TRAM2: variants seen among roughly 807,000 people sequenced by gnomAD.
The protein encoded by TRAM2 is translocation associated membrane protein 2.
Under a neutral mutation model 51.0 loss-of-function variants are expected in TRAM2, and 12 were observed. The observed-to-expected ratio is 0.24, with a 90% confidence interval of 0.15 to 0.38. The LOEUF (loss-of-function observed/expected upper bound fraction) is 0.38. Ranked by LOEUF, TRAM2 falls within the 10% of genes least tolerant of loss-of-function variation. The pLI, the probability that TRAM2 is intolerant of heterozygous loss-of-function variation, is 1.00. For synonymous variants in TRAM2, 175 were observed against 179.4 expected, an observed-to-expected ratio of 0.98 and a Z score of 0.20; for missense variants, 361 against 462.0, an observed-to-expected ratio of 0.78 and a Z score of 2.00.
At position 52,505,770 on chromosome 6, in the gene TRAM2, C is replaced by T. The variant is rs745765739; in HGVS notation, c.732-28G>A. 6 of 1,580,904 alleles carry T rather than the reference C, an allele frequency of 3.8e-6. No homozygotes were observed. The East Asian group carries it at 9.0e-5, about 24-fold the overall frequency. On this transcript the variant is annotated intron_variant, in intron 8 of 10. Transcript: ENST00000182527. ...GCTCACAGAGGCAGAAGAGGGATGT[C>T]AGTCTTTAGCGCCCTTGAAGGAATC...
At chr6:52,565,713 T>G (rs1055821324) in intron 1 of TRAM2, among the ~76,000 whole-genome samples, 1 of 152,218 alleles carries the variant, frequency 6.6e-6, no homozygotes, top group Admixed American at 6.5e-5. Context: ...TACTGACACC[T>G]TCATCAGGAA....
At chr6:52,540,271 G>C (rs1051247560) in intron 1 of TRAM2, among the ~76,000 whole-genome samples, 2 of 151,510 alleles carry the variant, frequency 1.3e-5, no homozygotes, top group Non-Finnish European at 2.9e-5. Context: ...TAAAAACCTT[G>C]TCCCAAAAAC....
chr6:52,570,975 A>G (rs552355501), intron 1 of TRAM2, among the ~76,000 whole-genome samples: 1 of 152,320 alleles, frequency 6.6e-6, no homozygotes, highest in South Asian at 2.1e-4. Flanking sequence ...CAGTAGAGGT[A>G]TACCAAGTCT....
chr6:52,556,772 A>C (rs574187783), intron 1 of TRAM2, among the ~76,000 whole-genome samples: 9 of 151,826 alleles, frequency 5.9e-5, no homozygotes, highest in African/African-American at 9.7e-5. Context: ...TACTAAAAAT[A>C]CAAAAATTAG....
chr6:52,576,666 G>A (rs1187472039), intron 1 of TRAM2, 130 bp downstream of exon 1: 2 of 1,257,530 alleles, frequency 1.6e-6, no homozygotes, highest in Non-Finnish European at 2.2e-6. Context: ...CACAAAGCCG[G>A]GGTGCAGATA....
intron 9 of TRAM2, 87 bp from the exon 10 acceptor site, chr6:52,504,841 G>A: frequency 7.8e-7 from 1 of 1,289,632 alleles, no homozygotes; most frequent in Non-Finnish European, 1.1e-6. Context: ...AGGGCCAGGG[G>A]CCCTGCAGTT....
intron 2 of TRAM2, among the ~76,000 whole-genome samples, chr6:52,531,530 C>T (rs1425407227): frequency 6.6e-6 from 1 of 152,172 alleles, no homozygotes; most frequent in Non-Finnish European, 1.5e-5. Flanking sequence ...AGGAGGATTC[C>T]AGGAGCAGAA....
intron 5 of TRAM2, 70 bp downstream of exon 5, chr6:52,509,458 C>T: frequency 2.7e-6 from 4 of 1,507,898 alleles, no homozygotes; most frequent in Non-Finnish European, 3.7e-6. Flanking sequence ...GTTCTGGCCA[C>T]ACTCCGCTGG....
At chr6:52,506,865 T>C (rs759487549) in intron 7 of TRAM2, among the ~76,000 whole-genome samples, 22 of 152,154 alleles carry the variant, frequency 1.4e-4, no homozygotes, top group Non-Finnish European at 2.8e-4. Context: ...AAGGACCTAG[T>C]CCAACGCACC....
intron 1 of TRAM2, among the ~76,000 whole-genome samples, chr6:52,563,657 T>C (rs970411488): frequency 7.8e-6 from 1 of 128,748 alleles, no homozygotes; most frequent in Admixed American, 9.7e-5. Flanking sequence ...AGGCAGAGCT[T>C]GCACTCCAGC....
intron 2 of TRAM2, among the ~76,000 whole-genome samples, chr6:52,519,505 G>T (rs1766624769): frequency 6.6e-6 from 1 of 152,234 alleles, no homozygotes; most frequent in Admixed American, 6.5e-5. Flanking sequence ...AAGTATTGGT[G>T]AGGATGTGGA....
At position 52,497,490 on chromosome 6, in the gene TRAM2, T is replaced by C. The variant is rs1266584348; in HGVS notation, c.*5707A>G. On this transcript the variant is annotated 3_prime_UTR_variant, in exon 11 of 11. Transcript: ENST00000182527. ...TACATTTAAAAAATCCATACAAAAC[T>C]GTAATTTGTTTTAAAACCAGACAGA... 2 of 152,742 alleles carry C rather than the reference T, an allele frequency of 1.3e-5. No homozygotes were observed. Among genetic ancestry groups the C allele is most frequent in the Non-Finnish European group, 1.5e-5 (1 of 68,034 alleles). 9.5% of individuals were successfully genotyped at this position (152,742 alleles called of 1,614,324 possible).
intron 1 of TRAM2, among the ~76,000 whole-genome samples, chr6:52,541,943 C>T (rs541326733): frequency 1.4e-4 from 22 of 151,992 alleles, no homozygotes; most frequent in Non-Finnish European, 2.2e-4. Flanking sequence ...TTCTGTCCCA[C>T]GGACACCACA....
At chr6:52,550,966 T>C (rs769240533) in intron 1 of TRAM2, among the ~76,000 whole-genome samples, 37 of 152,228 alleles carry the variant, frequency 2.4e-4, no homozygotes, top group Non-Finnish European at 2.9e-4. Context: ...CCACTCTTTA[T>C]GGGCCATCTA....
intron 2 of TRAM2, among the ~76,000 whole-genome samples, chr6:52,528,366 C>T (rs1766821210): frequency 1.3e-5 from 2 of 152,164 alleles, no homozygotes; most frequent in African/African-American, 4.8e-5. Context: ...CCACCGCTGC[C>T]CACCTGTCTC....
intron 2 of TRAM2, chr6:52,523,711 T>C (rs1044180593): frequency 6.6e-6 from 1 of 152,274 alleles, no homozygotes. Flanking sequence ...TCTGGAAATT[T>C]ATCCTGCAGC....
intron 1 of TRAM2, among the ~76,000 whole-genome samples, chr6:52,550,802 TTGGCCTCCCACCTGC>T (rs1767294726): frequency 2.2e-5 from 2 of 92,516 alleles, no homozygotes; most frequent in Non-Finnish European, 5.5e-5. Flanking sequence ...TCCACCTGCC[TTGGCCTCCCACCTGC>T]CTTGGCCTCC....
chr6:52,544,474 T>C (rs1767162442), intron 1 of TRAM2, among the ~76,000 whole-genome samples: 1 of 152,212 alleles, frequency 6.6e-6, no homozygotes, highest in Non-Finnish European at 1.5e-5. Context: ...ACCTCTGCTA[T>C]GTGTGTCTCA....
intron 1 of TRAM2, among the ~76,000 whole-genome samples, chr6:52,564,160 C>T (rs774804052): frequency 2.0e-5 from 3 of 152,078 alleles, no homozygotes; most frequent in African/African-American, 7.2e-5. Context: ...TACAGAGGTG[C>T]TAGGGATACT....
Sources: gnomAD v4.1 joint callset for allele counts (sites outside exome capture counted in the v4.1 genomes callset) on GRCh38, gnomAD v4.1.1 for gene constraint, MANE v1.5 for transcripts, NCBI Gene and HGNC (gene_info 2026-07-23, HGNC 2026-07-21) for gene names.